Variants in KAT2B observed in about 807,000 individuals in gnomAD.
KAT2B encodes histone acetyltransferase KAT2B.
Under a neutral mutation model 105.9 loss-of-function variants are expected in KAT2B, and 36 were observed. The observed-to-expected ratio is 0.34, with a 90% CI of 0.26 to 0.45. The LOEUF is 0.45. Among genes scored for constraint, KAT2B ranks in the 20% least tolerant of loss-of-function variants. The pLI, the probability that KAT2B is intolerant of heterozygous loss-of-function variation, is 1.00. For synonymous variants in KAT2B, 397 were observed against 377.9 expected (o/e 1.05, Z -0.59); for missense variants, 820 against 1,021.6 (o/e 0.80, Z 2.69).
rs139248240 is a variant in KAT2B, at chr3:20,121,171, A to G, written c.1276+1448A>G. On this transcript the variant is annotated intron_variant, in intron 8 of 17. Transcript: ENST00000263754. ...CAAACAACAAAAAATTGTAAAAAAA[A>G]GAACTCGACAAAAGTGATTTAGTAA... Among the ~76,000 whole-genome samples, 134 of 152,344 alleles carry G rather than the reference A, an allele frequency of 8.8e-4. No individual in the cohort carries two copies. In the East Asian group the frequency reaches 0.022, roughly 25 times the overall value.
intron 1 of KAT2B, among the ~76,000 whole-genome samples, chr3:20,070,322 T>TTTTTC (rs10647897): frequency 4.8e-5 from 7 of 145,406 alleles, no homozygotes; most frequent in Admixed American, 2.1e-4. Flanking sequence ...TTTTTTTTTT[T>TTTTTC]TGAGATGGAG....
intron 8 of KAT2B, among the ~76,000 whole-genome samples, chr3:20,120,185 A>C (rs1200508305): frequency 6.6e-6 from 1 of 151,310 alleles, no homozygotes; most frequent in African/African-American, 2.4e-5. Flanking sequence ...TAGGCTTGGA[A>C]CTTGTAAACC....
At chr3:20,123,646 T>C (rs1255032562) in intron 9 of KAT2B, among the ~76,000 whole-genome samples, 1 of 152,248 alleles carries the variant, frequency 6.6e-6, no homozygotes, top group Non-Finnish European at 1.5e-5. Flanking sequence ...ACCTTTGTTG[T>C]TGTTGAAGGA....
chr3:20,053,809 A>AT (rs1334112028), intron 1 of KAT2B, among the ~76,000 whole-genome samples: 1 of 150,570 alleles, frequency 6.6e-6, no homozygotes, highest in Non-Finnish European at 1.5e-5. Flanking sequence ...ATTTTATTTT[A>AT]TTTTTTTGAG....
At chr3:20,117,874 A>G (rs2125170948) in intron 7 of KAT2B, among the ~76,000 whole-genome samples, 2 of 152,280 alleles carry the variant, frequency 1.3e-5, no homozygotes, top group Middle Eastern at 6.8e-3. Context: ...GGCCTTTTCT[A>G]AAATACAAAA....
intron 14 of KAT2B, chr3:20,146,719 C>T (rs1699789373): frequency 4.8e-6 from 1 of 207,234 alleles, no homozygotes; most frequent in African/African-American, 2.3e-5. Flanking sequence ...CATATGCAAC[C>T]TTGAAAGCAG....
At chr3:20,077,656 AATT>A (rs1252962402) in intron 2 of KAT2B, among the ~76,000 whole-genome samples, 1 of 152,198 alleles carries the variant, frequency 6.6e-6, no homozygotes, top group African/African-American at 2.4e-5. Flanking sequence ...GTATTATTAA[AATT>A]ATTTCTACTG....
intron 2 of KAT2B, among the ~76,000 whole-genome samples, chr3:20,073,413 C>T (rs184660403): frequency 9.8e-4 from 149 of 152,290 alleles, no homozygotes; most frequent in Non-Finnish European, 1.9e-3. Context: ...GAAATGGTGT[C>T]GCCTCCAAGG....
chr3:20,080,711 A>G (rs1278477659), intron 2 of KAT2B, among the ~76,000 whole-genome samples: 1 of 152,218 alleles, frequency 6.6e-6, no homozygotes, highest in Non-Finnish European at 1.5e-5. Context: ...ATGTGTGGCT[A>G]TTGAACACTT....
intron 5 of KAT2B, among the ~76,000 whole-genome samples, chr3:20,105,735 T>A (rs918252870): frequency 1.1e-4 from 16 of 147,972 alleles, no homozygotes; most frequent in African/African-American, 3.8e-4. Context: ...AGGTCAAGGC[T>A]GCTTGGAGCT....
chr3:20,119,452 A>G (rs1419278581), intron 7 of KAT2B, 146 bp from the exon 8 acceptor site: 6 of 701,520 alleles, frequency 8.6e-6, no homozygotes, highest in Admixed American at 7.7e-5. Flanking sequence ...TGTCTTTACT[A>G]TTTTGATGCC....
At chr3:20,087,499 A>AT (rs1388131254) in intron 2 of KAT2B, among the ~76,000 whole-genome samples, 2 of 152,142 alleles carry the variant, frequency 1.3e-5, no homozygotes, top group African/African-American at 4.8e-5. Context: ...CATACTTTTA[A>AT]TTTTTTGTGG....
At chr3:20,049,554 A>G (rs1467117682) in intron 1 of KAT2B, among the ~76,000 whole-genome samples, 1 of 152,152 alleles carries the variant, frequency 6.6e-6, no homozygotes, top group Non-Finnish European at 1.5e-5. Context: ...AAACTTTCGC[A>G]TGGGGTAGAG....
At chr3:20,086,068 C>T (rs1439163033) in intron 2 of KAT2B, among the ~76,000 whole-genome samples, 2 of 151,568 alleles carry the variant, frequency 1.3e-5, no homozygotes, top group South Asian at 2.1e-4. Flanking sequence ...CTCAGAAGTT[C>T]GAGACCAGCC....
In KAT2B at chr3:20,099,919, A is replaced by G; in HGVS notation, c.634A>G (p.Lys212Glu). The G allele has an allele frequency of 6.2e-7, 1 of 1,608,754 alleles. No individual in the cohort carries two copies. The highest frequency in any genetic ancestry group is 8.5e-7 in the Non-Finnish European group (1 of 1,175,372). ...ACCTGTGGTTGAAGGCTCTTTGGAAAAGAAACCCCCATTTGAAAAACCTAG... is the reference window on the plus strand; with the variant it reads ...ACCTGTGGTTGAAGGCTCTTTGGAAGAGAAACCCCCATTTGAAAAACCTAG... ...GKPVVEGSLE[K>E]KPPFEKPSIE... Residue 212 changes from lysine to glutamate, a missense_variant, in exon 4 of 18, where the codon AAG (lysine) becomes GAG (glutamate). Physicochemically the swap from Lys to Glu is moderately conservative, Grantham distance 56. Transcript: ENST00000263754.
chr3:20,121,425 CAT>C (rs1699305321), intron 8 of KAT2B, among the ~76,000 whole-genome samples: 1 of 152,050 alleles, frequency 6.6e-6, no homozygotes, highest in African/African-American at 2.4e-5. Flanking sequence ...AAAAACCAAA[CAT>C]GAGAATAGAA....
chr3:20,101,371 C>T lies in KAT2B; in HGVS notation c.754C>T (p.Leu252=). The change falls in exon 5 of 18, where the codon CTA becomes TTA. Residue 252 remains leucine, a synonymous_variant. Transcript: ENST00000263754. ...QTIVELAKMF[L]NRINYWHLEA... is the part of the protein sequence containing the mutation. ...AATAGTTGAGTTGGCAAAAATGTTC[C>T]TAAACCGCATCAACTATTGGCATCT... 1 of 1,613,976 alleles carries T rather than the reference C, an allele frequency of 6.2e-7. No individual in the cohort carries two copies. The highest frequency in any genetic ancestry group is 8.5e-7 in the Non-Finnish European group (1 of 1,179,890).
intron 1 of KAT2B, among the ~76,000 whole-genome samples, chr3:20,067,916 C>T (rs1698251715): frequency 1.3e-5 from 2 of 151,998 alleles, no homozygotes; most frequent in South Asian, 2.1e-4. Flanking sequence ...CTCAGGTGAT[C>T]TGCCTGCCTT....
At chr3:20,144,827 G>A (rs1211064206) in intron 13 of KAT2B, among the ~76,000 whole-genome samples, 5 of 147,938 alleles carry the variant, frequency 3.4e-5, no homozygotes, top group South Asian at 2.1e-4. Flanking sequence ...AGGAAGTCTC[G>A]CTCTGTCACC....
Sources: allele counts gnomAD v4.1 joint callset (sites outside exome capture counted in the v4.1 genomes callset), GRCh38; gene constraint gnomAD v4.1.1; transcripts MANE v1.5; gene names NCBI Gene and HGNC (gene_info 2026-07-23, HGNC 2026-07-21).